The following PLXNA4 variants were observed in gnomAD, a reference collection of about 807,000 sequenced individuals.
The protein encoded by PLXNA4 is plexin A4.
Under a neutral mutation model 191.8 loss-of-function variants are expected in PLXNA4, and 44 were observed. The observed-to-expected ratio is 0.23, with a 90% confidence interval of 0.18 to 0.29. The LOEUF (loss-of-function observed/expected upper bound fraction) is 0.29. PLXNA4 is among the 10% of genes least tolerant of loss of function. The pLI is 1.00. For synonymous variants in PLXNA4, 1,082 were observed against 1,009.5 expected, an observed-to-expected ratio of 1.07 and a Z score of -1.36; for missense variants, 1,800 against 2,488.8, an observed-to-expected ratio of 0.72 and a Z score of 5.89.
intron 3 of PLXNA4, among the ~76,000 whole-genome samples, chr7:132,313,971 CT>C (rs1801848306): frequency 6.6e-6 from 1 of 152,154 alleles, no homozygotes; most frequent in African/African-American, 2.4e-5. Flanking sequence ...CCCCCAGACA[CT>C]ACAGAGGGCT....
intron 3 of PLXNA4, among the ~76,000 whole-genome samples, chr7:132,337,885 TG>T (rs1219412836): frequency 1.3e-5 from 2 of 152,178 alleles, no homozygotes; most frequent in African/African-American, 4.8e-5. Flanking sequence ...CACAGACTAA[TG>T]GGATTTGCCT....
chr7:132,226,408 GA>G (rs1798325097), intron 7 of PLXNA4, 148 bp from the exon 8 acceptor site: 1 of 626,742 alleles, frequency 1.6e-6, no homozygotes. Flanking sequence ...CCAGTCCCAG[GA>G]CAACCCTGAG....
At chr7:132,628,524 TTTTG>T (rs1803428359) in intron 2 of PLXNA4, among the ~76,000 whole-genome samples, 1 of 152,094 alleles carries the variant, frequency 6.6e-6, no homozygotes, top group Non-Finnish European at 1.5e-5. Flanking sequence ...GAACATGTCT[TTTTG>T]TTTGTGGGTT....
chr7:132,370,346 T>C (rs951395581), intron 3 of PLXNA4, among the ~76,000 whole-genome samples: 1 of 152,142 alleles, frequency 6.6e-6, no homozygotes, highest in Non-Finnish European at 1.5e-5. Context: ...GGGATGGGAT[T>C]ACTGGGAAGC....
At chr7:132,359,209 CTTTTTTTTTTTTT>C (rs57415453) in intron 3 of PLXNA4, among the ~76,000 whole-genome samples, 1 of 110,902 alleles carries the variant, frequency 9.0e-6, no homozygotes, top group South Asian at 3.2e-4. Flanking sequence ...GTCAAGGCTG[CTTTTTTTTTTTTT>C]TTTTTTTTTT....
At chr7:132,268,549 G>T (rs1288845861) in intron 4 of PLXNA4, among the ~76,000 whole-genome samples, 1 of 152,196 alleles carries the variant, frequency 6.6e-6, no homozygotes, top group Non-Finnish European at 1.5e-5. Context: ...TTGGAGTGTG[G>T]CTGGCGGGAG....
intron 1 of PLXNA4, among the ~76,000 whole-genome samples, chr7:132,564,872 C>T (rs1375428031): frequency 1.3e-5 from 2 of 152,170 alleles, no homozygotes; most frequent in African/African-American, 4.8e-5. Flanking sequence ...CTCTGGACTC[C>T]TGCACTGACC....
At chr7:132,621,264 T>TTTTTTTTTTGG (rs1563197008) in intron 2 of PLXNA4, among the ~76,000 whole-genome samples, 1 of 60,160 alleles carries the variant, frequency 1.7e-5, no homozygotes, top group Admixed American at 1.6e-4. Flanking sequence ...TTTTTGGTTT[T>TTTTTTTTTTGG]TTTGTTTTTT....
intron 30 of PLXNA4, among the ~76,000 whole-genome samples, chr7:132,135,123 C>G (rs908506254): frequency 6.6e-6 from 1 of 152,154 alleles, no homozygotes; most frequent in Non-Finnish European, 1.5e-5. Context: ...TGTCATTGTC[C>G]CCTTAGGGAT....
chr7:132,251,051 C>CTTTTT (rs34455636), intron 4 of PLXNA4, among the ~76,000 whole-genome samples: 1 of 130,068 alleles, frequency 7.7e-6, no homozygotes, highest in African/African-American at 2.9e-5. Context: ...CTGTTCCAGC[C>CTTTTT]TTTTTTTTTT....
chr7:132,612,401 CTG>C (rs1803067051), intron 2 of PLXNA4, among the ~76,000 whole-genome samples: 1 of 152,156 alleles, frequency 6.6e-6, no homozygotes, highest in Non-Finnish European at 1.5e-5. Flanking sequence ...TGGCTCATGA[CTG>C]TAATCCCAGC....
chr7:132,137,022 C>T (rs1043991410), intron 30 of PLXNA4, among the ~76,000 whole-genome samples: 2 of 152,222 alleles, frequency 1.3e-5, no homozygotes, highest in South Asian at 4.2e-4. Flanking sequence ...AAGAAAGGGT[C>T]AAGTTCAATG....
chr7:132,605,616 G>A (rs1225871448), intron 2 of PLXNA4, among the ~76,000 whole-genome samples: 1 of 152,026 alleles, frequency 6.6e-6, no homozygotes, highest in African/African-American at 2.4e-5. Flanking sequence ...TTATTAATAG[G>A]TTAAATTGTG....
chr7:132,298,021 G>T, intron 4 of PLXNA4, 70 bp downstream of exon 4: 1 of 1,595,044 alleles, frequency 6.3e-7, no homozygotes. Context: ...GGCCTCCTAA[G>T]GTTTGTACTG....
intron 10 of PLXNA4, among the ~76,000 whole-genome samples, chr7:132,206,437 GGTGTGTGTGTGTGTGT>G (rs61032250): frequency 2.0e-5 from 3 of 148,334 alleles, no homozygotes; most frequent in African/African-American, 5.0e-5. Flanking sequence ...TATGTTTTCT[GGTGTGTGTGTGTGTGT>G]GTGTGTGTGT....
At chr7:132,408,495 A>G (rs947211868) in intron 3 of PLXNA4, among the ~76,000 whole-genome samples, 1 of 141,234 alleles carries the variant, frequency 7.1e-6, no homozygotes, top group Non-Finnish European at 1.5e-5. Flanking sequence ...AGAGAGTCTC[A>G]CTCTGTCACC....
At chr7:132,449,660 T>G (rs574925443) in intron 3 of PLXNA4, among the ~76,000 whole-genome samples, 1 of 152,316 alleles carries the variant, frequency 6.6e-6, no homozygotes, top group South Asian at 2.1e-4. Flanking sequence ...CTGCCACCAT[T>G]GGTCATGCTT....
intron 3 of PLXNA4, among the ~76,000 whole-genome samples, chr7:132,391,626 C>A (rs1426592396): frequency 2.6e-5 from 4 of 152,126 alleles, no homozygotes; most frequent in Admixed American, 2.6e-4. Flanking sequence ...CCCAGGCTAC[C>A]CAGCAGGGGT....
chr7:132,609,083 A>T (rs936369273), intron 2 of PLXNA4, among the ~76,000 whole-genome samples: 1 of 152,172 alleles, frequency 6.6e-6, no homozygotes, highest in Non-Finnish European at 1.5e-5. Flanking sequence ...TGTCCACATG[A>T]GTGACATGCC....
Sources: allele counts gnomAD v4.1 joint callset (sites outside exome capture counted in the v4.1 genomes callset), GRCh38; gene constraint gnomAD v4.1.1; transcripts MANE v1.5; gene names NCBI Gene and HGNC (gene_info 2026-07-23, HGNC 2026-07-21).